The following RRAGD variants were observed in gnomAD, a reference collection of about 807,000 sequenced individuals.
RRAGD encodes ras-related GTP-binding protein D.
Under a neutral mutation model 35.5 loss-of-function variants are expected in RRAGD, and 12 were observed. The ratio of observed to expected loss-of-function variants is 0.34; its 90% CI spans 0.22 to 0.55. The LOEUF is 0.55. Among genes scored for constraint, RRAGD ranks in the 20% least tolerant of loss-of-function variants. The pLI is 0.91. For synonymous variants in RRAGD, 155 were observed against 178.9 expected (o/e 0.87, Z 1.07); for missense variants, 324 against 490.1 (o/e 0.66, Z 3.20).
Position 89,411,859 on chromosome 6 carries a change from G to A in RRAGD, c.135C>T (p.Gly45=), listed in dbSNP as rs367675897. 1,828 of 1,551,834 alleles carry A rather than the reference G, an allele frequency of 1.2e-3. 3 individuals carry two copies. Among genetic ancestry groups the A allele is most frequent in the Non-Finnish European group, 1.5e-3 (1,701 of 1,151,288 alleles). The change falls in exon 1 of 7, where the codon GGC becomes GGT. Residue 45 remains glycine (G), a synonymous_variant. Transcript: ENST00000369415. This position sits in a 1 kb window ranked among gnomAD's most constrained non-coding sequence, Gnocchi z 5.6. ...PDSSDADPDS[G]TEEGVLDFSD... ...CCGGGCGCTCACCTCCCTCCTCTGT[G>A]CCGCTGTCCGGATCGGCGTCGGAGG...
intron 2 of RRAGD, among the ~76,000 whole-genome samples, chr6:89,384,748 G>A (rs1263459345): frequency 6.6e-6 from 1 of 150,598 alleles, no homozygotes; most frequent in Non-Finnish European, 1.5e-5. Context: ...CCAGGAGGTG[G>A]ACTTGCAGTG....
rs772099597 is a variant in RRAGD at position 89,399,620 on chromosome 6, A to T, written c.149-12030T>A. Among the ~76,000 whole-genome samples the T allele has an allele frequency of 3.3e-5, 5 of 151,832 alleles. No individual in the cohort carries two copies. In the East Asian group the frequency reaches 5.8e-4, roughly 18 times the overall value. ...AACCCTCTCTCTACTAAAAATATATATTTTTTTTAATTAGCAAGTTGTAGT... is the reference window on the plus strand; with the variant it reads ...AACCCTCTCTCTACTAAAAATATATTTTTTTTTTAATTAGCAAGTTGTAGT... On this transcript the variant is annotated intron_variant, in intron 1 of 6. Transcript: ENST00000369415.
chr6:89,377,617 A>G, intron 5 of RRAGD, 54 bp downstream of exon 5: 2 of 1,446,696 alleles, frequency 1.4e-6, no homozygotes, highest in Non-Finnish European at 1.8e-6. Flanking sequence ...AAATGCCTGA[A>G]AGGTTATGAA....
At chr6:89,389,475 GA>G (rs759147738) in intron 1 of RRAGD, among the ~76,000 whole-genome samples, 4 of 147,654 alleles carry the variant, frequency 2.7e-5, no homozygotes, top group Non-Finnish European at 5.9e-5. Context: ...AGAATGGCAT[GA>G]ACCTGGGAGG....
intron 4 of RRAGD, among the ~76,000 whole-genome samples, chr6:89,378,960 C>G (rs1768995504): frequency 6.6e-6 from 1 of 152,204 alleles, no homozygotes; most frequent in Admixed American, 6.5e-5. Context: ...GACAGGATCT[C>G]ACTATGTTAC....
intron 2 of RRAGD, among the ~76,000 whole-genome samples, chr6:89,384,585 GATGGATGGATC>G (rs1220562722): frequency 6.6e-6 from 1 of 152,146 alleles, no homozygotes; most frequent in Non-Finnish European, 1.5e-5. Context: ...GGGAGGCTGA[GATGGATGGATC>G]ATGAGGTCAA....
intron 2 of RRAGD, among the ~76,000 whole-genome samples, chr6:89,385,239 G>A (rs528787580): frequency 1.4e-4 from 21 of 152,218 alleles, no homozygotes; most frequent in African/African-American, 5.1e-4. Context: ...TCCCATAAAT[G>A]CAAATTGCTA....
In RRAGD at chr6:89,383,983, G is replaced by A. The variant is rs556943731; in HGVS notation, c.444+3312C>T. Among the ~76,000 whole-genome samples the A allele has an allele frequency of 2.2e-4, 34 of 151,968 alleles. No individual in the cohort carries two copies. In the South Asian group the frequency reaches 6.7e-3, roughly 30 times the overall value. On this transcript the variant is annotated intron_variant, in intron 2 of 6. Coordinates refer to ENST00000369415, the MANE Select transcript of RRAGD (RefSeq NM_021244.5). Reference sequence around the variant, plus strand: ...CTAAAAATATAAAACTTAGCTGGGTGTGGTGGCTACTCAGGAGGCTGAGGG... The same window carrying A: ...CTAAAAATATAAAACTTAGCTGGGTATGGTGGCTACTCAGGAGGCTGAGGG...
At chr6:89,405,266 A>T (rs1769555424) in intron 1 of RRAGD, among the ~76,000 whole-genome samples, 1 of 145,512 alleles carries the variant, frequency 6.9e-6, no homozygotes, top group Non-Finnish European at 1.5e-5. Flanking sequence ...AGGCAGGAGA[A>T]TGGCGTGAAC....
intron 1 of RRAGD, 91 bp from the exon 2 acceptor site, chr6:89,387,681 A>G (rs1017859329): frequency 3.3e-5 from 40 of 1,218,040 alleles, no homozygotes; most frequent in Non-Finnish European, 4.6e-5. Flanking sequence ...GTGATTTATG[A>G]TTCACAGATG....
intron 1 of RRAGD, among the ~76,000 whole-genome samples, chr6:89,388,213 T>C (rs1769168872): frequency 6.6e-6 from 1 of 152,200 alleles, no homozygotes; most frequent in Non-Finnish European, 1.5e-5. Flanking sequence ...GTAAGGTAGC[T>C]ACTAGCCAAA....
chr6:89,400,679 G>A (rs2127896396), intron 1 of RRAGD, among the ~76,000 whole-genome samples: 1 of 151,936 alleles, frequency 6.6e-6, no homozygotes, highest in South Asian at 2.1e-4. Flanking sequence ...GAGGCAGTGA[G>A]CTTATGCCAG....
intron 2 of RRAGD, 146 bp downstream of exon 2, chr6:89,387,149 A>C: frequency 1.3e-6 from 1 of 772,050 alleles, no homozygotes; most frequent in Middle Eastern, 3.8e-4. Context: ...GGAGCCTTTT[A>C]ACTTTGGCAA....
rs536297992 is a variant in RRAGD at position 89,379,086 on chromosome 6, C to T, written c.759+138G>A. On this transcript the variant is annotated intron_variant, in intron 4 of 6. Coordinates refer to ENST00000369415, the MANE Select transcript of RRAGD (RefSeq NM_021244.5). ...AAATTTTAAAGGATCTAAAAGAACACGTAGGAGTAATCTTTAAAAGTAATA... is the reference window on the plus strand; with the variant it reads ...AAATTTTAAAGGATCTAAAAGAACATGTAGGAGTAATCTTTAAAAGTAATA... The T allele has an allele frequency of 3.4e-5, 18 of 533,892 alleles. No homozygotes were observed. The Admixed American group carries it at 3.6e-4, about 11-fold the overall frequency. 33.1% of individuals were successfully genotyped at this position (533,892 alleles called of 1,614,324 possible).
intron 1 of RRAGD, among the ~76,000 whole-genome samples, chr6:89,404,895 G>A (rs1211148362): frequency 6.6e-6 from 1 of 152,116 alleles, no homozygotes; most frequent in Non-Finnish European, 1.5e-5. Flanking sequence ...GGTTGGCCCT[G>A]CCATCCTAAG....
intron 1 of RRAGD, among the ~76,000 whole-genome samples, chr6:89,401,545 C>T (rs1769461788): frequency 1.3e-5 from 2 of 152,090 alleles, no homozygotes; most frequent in Admixed American, 1.3e-4. Flanking sequence ...CGTGAACCAC[C>T]TCGCCCGGCC....
intron 1 of RRAGD, among the ~76,000 whole-genome samples, chr6:89,388,678 G>A (rs1369438844): frequency 6.6e-6 from 1 of 152,138 alleles, no homozygotes; most frequent in African/African-American, 2.4e-5. Context: ...CCAGTGGGAT[G>A]GTGGGGTGGT....
intron 1 of RRAGD, among the ~76,000 whole-genome samples, chr6:89,397,603 CA>C (rs552825275): frequency 5.3e-5 from 6 of 113,030 alleles, no homozygotes; most frequent in African/African-American, 6.4e-5. Context: ...GACTCCGTCT[CA>C]AAAAAAAAAC....
chr6:89,378,434 G>A (rs1768985793), intron 4 of RRAGD, among the ~76,000 whole-genome samples: 1 of 152,194 alleles, frequency 6.6e-6, no homozygotes, highest in Admixed American at 6.5e-5. Flanking sequence ...TTTACTGACT[G>A]TAAATTTTAA....
Sources: allele counts gnomAD v4.1 joint callset (sites outside exome capture counted in the v4.1 genomes callset), GRCh38; gene constraint gnomAD v4.1.1; non-coding constraint Gnocchi (gnomAD v3.1); transcripts MANE v1.5; gene names NCBI Gene and HGNC (gene_info 2026-07-23, HGNC 2026-07-21).